NRG1: variants seen among roughly 807,000 people sequenced by gnomAD.
The protein encoded by NRG1 is pro-neuregulin-1, membrane-bound isoform.
NRG1 carries 18 observed loss-of-function variants against 63.8 expected under a neutral mutation model. That is an observed-to-expected ratio of 0.28 (90% CI 0.19 to 0.42). NRG1 has a LOEUF of 0.42. NRG1 is among the 10% of genes least tolerant of loss of function. The pLI is 1.00. For missense variants in NRG1, 762 were observed against 814.7 expected, an observed-to-expected ratio of 0.94 and a Z score of 0.79; for synonymous variants, 302 against 301.3, an observed-to-expected ratio of 1.00 and a Z score of -0.02.
chr8:31,941,575 T>C (rs10808314), intron 1 of NRG1, among the ~76,000 whole-genome samples: 91,589 of 151,966 alleles, frequency 0.6, 32,870 homozygotes, highest in Non-Finnish European at 0.81. Context: ...ATTAAGAGCA[T>C]CCAAAATGGT....
chr8:32,177,101 G>A (rs1840849560), intron 1 of NRG1, among the ~76,000 whole-genome samples: 1 of 152,084 alleles, frequency 6.6e-6, no homozygotes, highest in African/African-American at 2.4e-5. Flanking sequence ...ATGATAGACT[G>A]GATTAAGAAA....
intron 1 of NRG1, among the ~76,000 whole-genome samples, chr8:31,709,943 C>A (rs1811575072): frequency 2.0e-5 from 3 of 151,788 alleles, no homozygotes; most frequent in South Asian, 4.1e-4. Flanking sequence ...TAACTACCCT[C>A]TTCTCCTTTT....
intron 1 of NRG1, among the ~76,000 whole-genome samples, chr8:32,018,159 A>AT (rs754189237): frequency 2.0e-5 from 3 of 152,188 alleles, no homozygotes; most frequent in East Asian, 1.9e-4. Flanking sequence ...AGGTTGTCCA[A>AT]TTTTTTCTAA....
At chr8:31,820,782 G>T (rs904366090) in intron 1 of NRG1, among the ~76,000 whole-genome samples, 3 of 152,160 alleles carry the variant, frequency 2.0e-5, no homozygotes, top group Non-Finnish European at 2.9e-5. Flanking sequence ...TCATCTGAGG[G>T]TTTAATGTTT....
At chr8:31,772,548 C>T (rs1328949080) in intron 1 of NRG1, among the ~76,000 whole-genome samples, 1 of 152,026 alleles carries the variant, frequency 6.6e-6, no homozygotes, top group Non-Finnish European at 1.5e-5. Context: ...ATAAAATTGC[C>T]TTGGTCTTCT....
intron 1 of NRG1, among the ~76,000 whole-genome samples, chr8:32,481,169 T>C (rs2347488): frequency 0.77 from 117,334 of 151,820 alleles, 45,538 homozygotes; most frequent in East Asian, 0.89. Flanking sequence ...CATGATGAAA[T>C]CTCATCTCTA....
At position 31,698,403 on chromosome 8, in the gene NRG1, C is replaced by A. The variant is rs566495197; in HGVS notation, c.37+58972C>A. On this transcript the variant is annotated intron_variant, in intron 1 of 10. Coordinates refer to the NRG1 transcript ENST00000519301. ...TTTAGCTAGCAAGGCTATGTCCTTTCACTTGGAAATAAACAACATGTTAAA... is the reference window on the plus strand; with the variant it reads ...TTTAGCTAGCAAGGCTATGTCCTTTAACTTGGAAATAAACAACATGTTAAA... Among the ~76,000 whole-genome samples the A allele has an allele frequency of 6.6e-5, 10 of 152,250 alleles. No homozygotes were observed. In the East Asian group the frequency reaches 1.9e-3, roughly 29 times the overall value.
intron 1 of NRG1, among the ~76,000 whole-genome samples, chr8:32,014,383 AT>A (rs1484107067): frequency 6.6e-6 from 1 of 152,006 alleles, no homozygotes; most frequent in Non-Finnish European, 1.5e-5. Flanking sequence ...AATGCTTGTG[AT>A]TTTTGCACAT....
intron 1 of NRG1, among the ~76,000 whole-genome samples, chr8:32,180,394 T>C (rs1251935708): frequency 6.6e-6 from 1 of 152,182 alleles, no homozygotes; most frequent in African/African-American, 2.4e-5. Context: ...ATAGTGTCTT[T>C]AAATGCATGT....
At chr8:31,832,305 C>A (rs1393557319) in intron 1 of NRG1, among the ~76,000 whole-genome samples, 1 of 147,128 alleles carries the variant, frequency 6.8e-6, no homozygotes, top group African/African-American at 2.5e-5. Flanking sequence ...GTTGCCCAGG[C>A]TGGAGTGCAG....
chr8:32,227,337 C>T (rs1041628892), intron 1 of NRG1, among the ~76,000 whole-genome samples: 1 of 152,180 alleles, frequency 6.6e-6, no homozygotes, highest in African/African-American at 2.4e-5. Context: ...CTATTCATCC[C>T]ATTAAAAAAG....
chr8:32,311,588 C>G (rs560354383), intron 1 of NRG1, among the ~76,000 whole-genome samples: 9 of 152,246 alleles, frequency 5.9e-5, no homozygotes, highest in African/African-American at 2.2e-4. Context: ...AATATAGGGC[C>G]TGAGGGTCAC....
chr8:32,047,075 G>T (rs1018529854), intron 1 of NRG1, among the ~76,000 whole-genome samples: 1 of 151,912 alleles, frequency 6.6e-6, no homozygotes, highest in African/African-American at 2.4e-5. Flanking sequence ...TTGTGAATCT[G>T]TTCTCAGTGT....
intron 1 of NRG1, among the ~76,000 whole-genome samples, chr8:32,048,635 T>A (rs1224488671): frequency 2.6e-5 from 4 of 151,758 alleles, no homozygotes; most frequent in African/African-American, 9.7e-5. Flanking sequence ...GCACTTGTTA[T>A]GTTTTGTCTT....
intron 1 of NRG1, among the ~76,000 whole-genome samples, chr8:31,956,275 T>C (rs1320570124): frequency 2.0e-5 from 3 of 152,054 alleles, no homozygotes; most frequent in South Asian, 2.1e-4. Flanking sequence ...GTAATGTGAA[T>C]GTGTAGGCAC....
chr8:32,602,974 A>C (rs1274972034), intron 2 of NRG1, among the ~76,000 whole-genome samples: 2 of 152,202 alleles, frequency 1.3e-5, no homozygotes, highest in Non-Finnish European at 2.9e-5. Context: ...TATTTCGATA[A>C]TTTTAAAAGT....
intron 9 of NRG1, among the ~76,000 whole-genome samples, chr8:32,759,095 A>C (rs1286594036): frequency 6.6e-6 from 1 of 151,506 alleles, no homozygotes; most frequent in Non-Finnish European, 1.5e-5. Flanking sequence ...TTTTTTTTTT[A>C]ACTCTATTCA....
chr8:32,359,084 G>A (rs1563357290), intron 1 of NRG1, among the ~76,000 whole-genome samples: 1 of 152,056 alleles, frequency 6.6e-6, no homozygotes, highest in Non-Finnish European at 1.5e-5. Flanking sequence ...GAGATGGTGG[G>A]TGGACAATTA....
intron 1 of NRG1, among the ~76,000 whole-genome samples, chr8:32,079,866 T>G (rs1457542385): frequency 6.6e-6 from 1 of 152,162 alleles, no homozygotes; most frequent in Non-Finnish European, 1.5e-5. Flanking sequence ...GTGGTCATTC[T>G]TAAGGTCATT....
Sources: allele counts gnomAD v4.1 joint callset (sites outside exome capture counted in the v4.1 genomes callset), GRCh38; gene constraint gnomAD v4.1.1; transcripts MANE v1.5; gene names NCBI Gene and HGNC (gene_info 2026-07-23, HGNC 2026-07-21).